ZNF438: variants seen among roughly 807,000 people sequenced by gnomAD.
ZNF438 encodes the protein zinc finger protein 438.
ZNF438 carries 25 observed loss-of-function variants against 38.0 expected under a neutral mutation model. That is an observed-to-expected ratio of 0.66 (90% CI 0.48 to 0.92). ZNF438 has a LOEUF of 0.92. Ranked by LOEUF, ZNF438 falls within the 40% of genes least tolerant of loss-of-function variation. ZNF438 has a pLI of 0.00. For missense variants in ZNF438, 1,007 were observed against 999.6 expected, an observed-to-expected ratio of 1.01 and a Z score of -0.10; for synonymous variants, 372 against 364.1, an observed-to-expected ratio of 1.02 and a Z score of -0.25.
At chr10:30,986,616 G>A (rs1589589729) in intron 1 of ZNF438, among the ~76,000 whole-genome samples, 1 of 152,080 alleles carries the variant, frequency 6.6e-6, no homozygotes, top group African/African-American at 2.4e-5. Context: ...GAAATGTTTG[G>A]GGTCGGAAGT....
Position 30,957,234 on chromosome 10 carries a change from ATTGT to A in ZNF438, c.-191-15587_-191-15584del, listed in dbSNP as rs1178810025. ...GATCTTTTCCCACTTTAGCATTCAG[ATTGT>A]TTGCTTGCTTTTTGCTATTGAGTTG... is the stretch of plus-strand genomic sequence containing the variant. On this transcript the variant is annotated intron_variant, in intron 1 of 5. Coordinates refer to ENST00000413025, the Ensembl canonical transcript of ZNF438. 4.6e-5 allele frequency among the ~76,000 whole-genome samples: 7 copies of A among 152,040 alleles called. No individual in the cohort carries two copies. The East Asian group carries it at 9.7e-4, about 21-fold the overall frequency.
intron 3 of ZNF438, among the ~76,000 whole-genome samples, chr10:30,903,537 A>G (rs1400524882): frequency 2.0e-5 from 3 of 152,228 alleles, no homozygotes; most frequent in Non-Finnish European, 4.4e-5. Flanking sequence ...TTCAGAGTCT[A>G]CTTTCATTAC....
chr10:30,905,708 T>C (rs1339064296), intron 3 of ZNF438, among the ~76,000 whole-genome samples: 2 of 152,242 alleles, frequency 1.3e-5, no homozygotes, highest in Non-Finnish European at 2.9e-5. Flanking sequence ...CAGTCTATGT[T>C]TTCCTCTAAG....
intron 4 of ZNF438, among the ~76,000 whole-genome samples, chr10:30,853,518 C>T (rs2034075582): frequency 6.6e-6 from 1 of 152,224 alleles, no homozygotes; most frequent in Non-Finnish European, 1.5e-5. Context: ...GGAGCATTGG[C>T]TACTCCCGCC....
chr10:30,856,189 C>G (rs1165224177), intron 4 of ZNF438, among the ~76,000 whole-genome samples: 1 of 152,072 alleles, frequency 6.6e-6, no homozygotes, highest in Non-Finnish European at 1.5e-5. Flanking sequence ...GGGAAGTAAT[C>G]TAGTAAGTAA....
At position 30,848,690 on chromosome 10, in the gene ZNF438, C is replaced by A. The variant is rs770798159; in HGVS notation, c.1715G>T (p.Cys572Phe). 2.5e-6 allele frequency: 4 copies of A among 1,614,180 alleles called. No homozygotes were observed. The Admixed American group carries it at 6.7e-5, about 27-fold the overall frequency. Residue 572 changes from cysteine (C) to phenylalanine (F), a missense_variant, in exon 5 of 6, where the codon TGT (cysteine) becomes TTT (phenylalanine). Cys to Phe is a radical substitution (Grantham distance 205). Coordinates refer to ENST00000413025, the Ensembl canonical transcript of ZNF438. Reference sequence around the variant, plus strand: ...TCGGATGTGGCCAAACACTTTTGCACAAAACTCACAACACATGAGTTTCTT... The same window carrying A: ...TCGGATGTGGCCAAACACTTTTGCAAAAAACTCACAACACATGAGTTTCTT...
chr10:30,938,209 T>C (rs2046449326), intron 2 of ZNF438, among the ~76,000 whole-genome samples: 1 of 152,156 alleles, frequency 6.6e-6, no homozygotes, highest in Admixed American at 6.5e-5. Flanking sequence ...TCAGTAATGC[T>C]TTGTTTGCTT....
rs1372103584 is a variant in ZNF438 at position 30,982,908 on chromosome 10, T to C, written c.-191-41257A>G. Among the ~76,000 whole-genome samples, 4 of 152,234 alleles carry C rather than the reference T, an allele frequency of 2.6e-5. No individual in the cohort carries two copies. The East Asian group carries it at 7.7e-4, about 29-fold the overall frequency. On this transcript the variant is annotated intron_variant, in intron 1 of 5. Coordinates refer to ENST00000413025, the Ensembl canonical transcript of ZNF438. The stretch of plus-strand genomic sequence containing the variant: ...TTTAGCTCAATTACAGAAATGGATA[T>C]GTAAGAATTATATTCATCTTTATTC...
At chr10:31,001,459 G>A (rs969975396) in intron 1 of ZNF438, among the ~76,000 whole-genome samples, 78 of 152,152 alleles carry the variant, frequency 5.1e-4, no homozygotes, top group African/African-American at 1.8e-3. Context: ...AGTTCAATCA[G>A]ATAATTGGAC....
chr10:31,004,066 T>G (rs1434337483), intron 1 of ZNF438, among the ~76,000 whole-genome samples: 1 of 151,868 alleles, frequency 6.6e-6, no homozygotes, highest in Non-Finnish European at 1.5e-5. Context: ...CAATGGGGGG[T>G]GATTTTATGC....
intron 2 of ZNF438, among the ~76,000 whole-genome samples, chr10:30,913,397 C>A (rs755329246): frequency 5.3e-5 from 8 of 151,982 alleles, no homozygotes; most frequent in Non-Finnish European, 1.2e-4. Flanking sequence ...GGTCTTTGCC[C>A]ATGCCCTTTC....
intron 1 of ZNF438, among the ~76,000 whole-genome samples, chr10:30,953,169 G>A (rs1374475285): frequency 8.3e-5 from 12 of 144,416 alleles, no homozygotes; most frequent in Admixed American, 2.1e-4. Context: ...ACCAAACACC[G>A]CATATTCTCA....
chr10:30,902,290 T>C (rs193112636), intron 3 of ZNF438, among the ~76,000 whole-genome samples: 1 of 152,266 alleles, frequency 6.6e-6, no homozygotes, highest in Non-Finnish European at 1.5e-5. Flanking sequence ...GTGTTTACAA[T>C]CCCTGAGCTA....
intron 2 of ZNF438, among the ~76,000 whole-genome samples, chr10:30,913,458 T>C (rs1237518012): frequency 1.3e-5 from 2 of 152,050 alleles, no homozygotes; most frequent in Non-Finnish European, 2.9e-5. Flanking sequence ...TAGTTGACTC[T>C]TATTCATCCA....
exon 5 of ZNF438, chr10:30,850,122 C>T: frequency 6.2e-7 from 1 of 1,614,032 alleles, no homozygotes; most frequent in Non-Finnish European, 8.5e-7. Context: ...GGCAGAGCAA[C>T]AAGAGAAAAT....
At chr10:30,934,626 C>T (rs1013602059) in intron 2 of ZNF438, among the ~76,000 whole-genome samples, 1 of 152,152 alleles carries the variant, frequency 6.6e-6, no homozygotes, top group African/African-American at 2.4e-5. Context: ...AACAGTTTCA[C>T]GAAATGTCTT....
intron 3 of ZNF438, among the ~76,000 whole-genome samples, chr10:30,885,185 G>A (rs1261350995): frequency 2.0e-5 from 3 of 152,198 alleles, no homozygotes; most frequent in Non-Finnish European, 2.9e-5. Context: ...AAAAGGTAAT[G>A]AGTCTTTTAA....
At chr10:30,863,465 C>T (rs961353380) in intron 4 of ZNF438, among the ~76,000 whole-genome samples, 10 of 152,138 alleles carry the variant, frequency 6.6e-5, no homozygotes, top group South Asian at 4.1e-4. Flanking sequence ...AGAGTGAAGG[C>T]GGCAGAGTTT....
intron 4 of ZNF438, among the ~76,000 whole-genome samples, chr10:30,858,560 G>A (rs1374815363): frequency 6.6e-5 from 10 of 152,190 alleles, no homozygotes; most frequent in African/African-American, 2.4e-4. Flanking sequence ...ACTGTAAAAC[G>A]TGCCGGCAAT....
Sources: allele counts gnomAD v4.1 joint callset (sites outside exome capture counted in the v4.1 genomes callset), GRCh38; gene constraint gnomAD v4.1.1; transcripts MANE v1.5; gene names NCBI Gene and HGNC (gene_info 2026-07-23, HGNC 2026-07-21).